The following HIP1 variants were observed in gnomAD, a reference collection of about 807,000 sequenced individuals.
HIP1 encodes the protein huntingtin-interacting protein 1.
Under a neutral mutation model 147.6 loss-of-function variants are expected in HIP1, and 65 were observed. The ratio of observed to expected loss-of-function variants is 0.44; its 90% CI spans 0.36 to 0.54. HIP1 has a LOEUF of 0.54. Among genes scored for constraint, HIP1 ranks in the 20% least tolerant of loss-of-function variants. The pLI, the probability that HIP1 is intolerant of heterozygous loss-of-function variation, is 0.00. For synonymous variants in HIP1, 479 were observed against 504.0 expected, an observed-to-expected ratio of 0.95 and a Z score of 0.67; for missense variants, 1,061 against 1,299.6, an observed-to-expected ratio of 0.82 and a Z score of 2.82.
Position 75,559,752 on chromosome 7 carries a change from C to T in HIP1, c.1355G>A (p.Arg452Gln), listed in dbSNP as rs782213078. The change falls in exon 14 of 31, where the codon CGG becomes CAG. Residue 452 changes from arginine (R) to glutamine (Q), a missense_variant. Transcript: ENST00000336926. Reference protein sequence around the residue: ...RQREDTEKAQRSLSEIERKAQ... With the variant: ...RQREDTEKAQQSLSEIERKAQ... ...CTCACTTTCTATCTCAGACAGGCTCCGCTGAGCCTTCTCGGTGTCCTCCCG... is the reference window on the plus strand; with the variant it reads ...CTCACTTTCTATCTCAGACAGGCTCTGCTGAGCCTTCTCGGTGTCCTCCCG... 1.3e-6 allele frequency: 2 copies of T among 1,595,704 alleles called. No homozygotes were observed. The highest frequency in any genetic ancestry group is 1.7e-6 in the Non-Finnish European group (2 of 1,175,172).
intron 1 of HIP1, among the ~76,000 whole-genome samples, chr7:75,664,328 G>A (rs1457384948): frequency 1.5e-5 from 2 of 137,656 alleles, no homozygotes; most frequent in African/African-American, 5.6e-5. Flanking sequence ...ACATACACAT[G>A]CATATATATG....
intron 1 of HIP1, among the ~76,000 whole-genome samples, chr7:75,642,127 A>G (rs1294894289): frequency 1.3e-5 from 2 of 152,196 alleles, no homozygotes; most frequent in African/African-American, 2.4e-5. Flanking sequence ...GGCCGGGTGC[A>G]GTGGCTCATG....
intron 1 of HIP1, among the ~76,000 whole-genome samples, chr7:75,719,574 T>C (rs1554520964): frequency 6.6e-6 from 1 of 152,022 alleles, no homozygotes; most frequent in Non-Finnish European, 1.5e-5. Context: ...AGGCACAATG[T>C]TGAGGACTTT....
intron 1 of HIP1, among the ~76,000 whole-genome samples, chr7:75,728,610 A>C (rs1420567815): frequency 6.6e-6 from 1 of 152,186 alleles, no homozygotes; most frequent in Admixed American, 6.5e-5. Context: ...GAAGTGCCAG[A>C]GGGGGAACCC....
At chr7:75,607,233 G>C (rs10280756) in intron 1 of HIP1, among the ~76,000 whole-genome samples, 25 of 134,982 alleles carry the variant, frequency 1.9e-4, no homozygotes, top group African/African-American at 5.0e-4. Flanking sequence ...TTTTTGTTTT[G>C]TTTTTTTTTT....
chr7:75,591,363 C>T (rs1248537047), intron 4 of HIP1, among the ~76,000 whole-genome samples: 1 of 152,008 alleles, frequency 6.6e-6, no homozygotes, highest in Non-Finnish European at 1.5e-5. Context: ...CAGATTACCC[C>T]TCTCCATATA....
chr7:75,649,123 C>T (rs950275211), intron 1 of HIP1, among the ~76,000 whole-genome samples: 1 of 152,054 alleles, frequency 6.6e-6, no homozygotes, highest in Admixed American at 6.6e-5. Context: ...CTCCCGGGTT[C>T]AAGCAATTCT....
chr7:75,695,117 G>T (rs1584957334), intron 1 of HIP1, among the ~76,000 whole-genome samples: 1 of 152,240 alleles, frequency 6.6e-6, no homozygotes, highest in East Asian at 1.9e-4. Flanking sequence ...GCTGATCCTT[G>T]GTTAGATGTT....
chr7:75,553,487 C>T lies in HIP1; in HGVS notation c.2261G>A (p.Arg754Lys), dbSNP rs782203453. The change falls in exon 22 of 31, where the codon AGG becomes AAG. Residue 754 changes from arginine to lysine, a missense_variant. Coordinates refer to ENST00000336926, the MANE Select transcript of HIP1 (RefSeq NM_005338.7). The part of the protein sequence containing the change: ...SLENADSTAM[R>K]NCLSKIKAIG... ...GGCCTTGATCTTGCTCAGGCAGTTCCTCATGGCTGTGCTGTCGGCATTCTC... is the reference window on the plus strand; with the variant it reads ...GGCCTTGATCTTGCTCAGGCAGTTCTTCATGGCTGTGCTGTCGGCATTCTC... 2 of 1,614,198 alleles carry T rather than the reference C, an allele frequency of 1.2e-6. No individual in the cohort carries two copies. Among genetic ancestry groups the T allele is most frequent in the East Asian group, 2.2e-5 (1 of 44,884 alleles).
intron 1 of HIP1, among the ~76,000 whole-genome samples, chr7:75,722,530 T>C (rs929363142): frequency 1.3e-5 from 2 of 152,122 alleles, no homozygotes; most frequent in Non-Finnish European, 2.9e-5. Flanking sequence ...TTGGCTCCTC[T>C]GCAGCCAAAC....
At chr7:75,541,818 C>A in intron 29 of HIP1, 101 bp downstream of exon 29, 1 of 844,066 alleles carries the variant, frequency 1.2e-6, no homozygotes, top group Non-Finnish European at 2.0e-6. Flanking sequence ...TTAGTAGGTG[C>A]ACCTGTGTTC....
intron 1 of HIP1, among the ~76,000 whole-genome samples, chr7:75,733,069 A>G (rs13238507): frequency 0.029 from 4,459 of 152,242 alleles, 89 homozygotes; most frequent in Non-Finnish European, 0.046. Flanking sequence ...GGAGAAAACC[A>G]TTTTCCAGCT....
intron 2 of HIP1, among the ~76,000 whole-genome samples, chr7:75,597,241 C>T (rs1358737713): frequency 6.6e-6 from 1 of 152,226 alleles, no homozygotes; most frequent in Non-Finnish European, 1.5e-5. Context: ...AAGCTGCTTT[C>T]CCTCTAGCAA....
intron 1 of HIP1, among the ~76,000 whole-genome samples, chr7:75,728,374 A>G (rs1801719871): frequency 6.6e-6 from 1 of 152,206 alleles, no homozygotes; most frequent in South Asian, 2.1e-4. Flanking sequence ...AACAGGAAAC[A>G]GCCACCACCC....
At chr7:75,650,218 A>G (rs1187143663) in intron 1 of HIP1, among the ~76,000 whole-genome samples, 3 of 152,106 alleles carry the variant, frequency 2.0e-5, no homozygotes. Context: ...ACCAGGACAG[A>G]CGGGAGCCAC....
intron 1 of HIP1, among the ~76,000 whole-genome samples, chr7:75,683,591 G>C (rs1337376153): frequency 1.3e-5 from 2 of 152,176 alleles, no homozygotes; most frequent in Non-Finnish European, 2.9e-5. Context: ...CCAGCATGGA[G>C]GATATCTGAG....
At chr7:75,736,377 G>C (rs1262058835) in intron 1 of HIP1, among the ~76,000 whole-genome samples, 2 of 151,684 alleles carry the variant, frequency 1.3e-5, no homozygotes, top group Non-Finnish European at 2.9e-5. Flanking sequence ...GAAGGAACGG[G>C]TTGTTAAAAA....
At chr7:75,611,921 C>T in intron 1 of HIP1, 1 of 989,548 alleles carries the variant, frequency 1.0e-6, no homozygotes, top group Non-Finnish European at 1.2e-6. Flanking sequence ...CTCCGCTCGC[C>T]TGGGACAGCC....
At position 75,717,555 on chromosome 7, in the gene HIP1, G is replaced by A. The variant is rs529094211; in HGVS notation, c.120+21246C>T. On this transcript the variant is annotated intron_variant, in intron 1 of 30. Coordinates refer to ENST00000336926, the MANE Select transcript of HIP1 (RefSeq NM_005338.7). ...CAGTTAAAAGAATTAGCCGGGGCCC[G>A]GTGTGGTGGCTTACACCCATAATCT... Among the ~76,000 whole-genome samples, 128 of 151,898 alleles carry A rather than the reference G, an allele frequency of 8.4e-4. 1 individual carries two copies. The highest frequency in any genetic ancestry group is 2.6e-3 in the African/African-American group (107 of 41,382).
Sources: allele counts gnomAD v4.1 joint callset (sites outside exome capture counted in the v4.1 genomes callset), GRCh38; gene constraint gnomAD v4.1.1; transcripts MANE v1.5; gene names NCBI Gene and HGNC (gene_info 2026-07-23, HGNC 2026-07-21).